PREX1: variants seen among roughly 807,000 people sequenced by gnomAD.
PREX1 encodes phosphatidylinositol 3,4,5-trisphosphate-dependent Rac exchanger 1 protein.
In PREX1, 41 loss-of-function variants were observed where a neutral mutation model predicts 198.3. That is an observed-to-expected ratio of 0.21 (90% CI 0.16 to 0.27). The LOEUF (loss-of-function observed/expected upper bound fraction) is 0.27, where lower values mean the gene tolerates loss of function less well. Among genes scored for constraint, PREX1 ranks in the 10% least tolerant of loss-of-function variants. The pLI is 1.00. For missense variants in PREX1, 1,620 were observed against 2,200.7 expected (o/e 0.74, Z 5.28); for synonymous variants, 843 against 887.2 (o/e 0.95, Z 0.89).
intron 19 of PREX1, 112 bp from the exon 20 acceptor site, chr20:48,653,609 C>T (rs752183205): frequency 2.2e-5 from 29 of 1,345,084 alleles, no homozygotes; most frequent in Non-Finnish European, 2.9e-5. Flanking sequence ...AAGGACTCCA[C>T]CTCCACCCCT....
intron 7 of PREX1, among the ~76,000 whole-genome samples, chr20:48,699,098 C>T (rs183377528): frequency 3.2e-4 from 49 of 152,254 alleles, no homozygotes; most frequent in Admixed American, 1.4e-3. Context: ...CACACACGGG[C>T]ATGGAGCATC....
At chr20:48,756,404 C>T (rs939745932) in intron 1 of PREX1, among the ~76,000 whole-genome samples, 2 of 152,228 alleles carry the variant, frequency 1.3e-5, no homozygotes, top group Non-Finnish European at 1.5e-5. Flanking sequence ...AAACATCCTC[C>T]CCAAGGATTC....
At chr20:48,710,991 G>A (rs2089928176) in intron 5 of PREX1, among the ~76,000 whole-genome samples, 2 of 152,370 alleles carry the variant, frequency 1.3e-5, no homozygotes, top group South Asian at 4.1e-4. Context: ...AGAGCCATGG[G>A]GAGGTGATGG....
intron 5 of PREX1, among the ~76,000 whole-genome samples, chr20:48,723,704 C>T (rs1568839879): frequency 6.6e-6 from 1 of 152,210 alleles, no homozygotes. Context: ...CTCCACGGGT[C>T]GCCGGGCGGT....
intron 1 of PREX1, among the ~76,000 whole-genome samples, chr20:48,762,983 G>A (rs947403177): frequency 2.0e-5 from 3 of 152,198 alleles, no homozygotes; most frequent in East Asian, 1.9e-4. Flanking sequence ...GATTACAGGC[G>A]TAAGCCATCA....
In PREX1 at chr20:48,645,930, T is replaced by G; in HGVS notation, c.3433A>C (p.Lys1145Gln). The G allele has an allele frequency of 6.2e-7, 1 of 1,614,228 alleles. No individual in the cohort carries two copies. Among genetic ancestry groups the G allele is most frequent in the Non-Finnish European group, 8.5e-7 (1 of 1,180,036 alleles). Residue 1145 changes from lysine to glutamine, a missense_variant, in exon 26 of 40, where the codon AAG becomes CAG. By Grantham distance (53) the Lys-to-Gln change is moderately conservative. Coordinates refer to ENST00000371941, the MANE Select transcript of PREX1 (RefSeq NM_020820.4). ...EMDRSDHGGI[K>Q]KVCFKVAEED... Reference sequence around the variant, plus strand: ...TCGGCCACCTTGAAGCACACCTTCTTGATGCCCCCATGGTCACTCCTGTCC... The same window carrying G: ...TCGGCCACCTTGAAGCACACCTTCTGGATGCCCCCATGGTCACTCCTGTCC...
intron 1 of PREX1, among the ~76,000 whole-genome samples, chr20:48,758,121 G>A (rs1001763341): frequency 1.3e-5 from 2 of 152,148 alleles, no homozygotes; most frequent in African/African-American, 4.8e-5. Flanking sequence ...CAACAGGGAG[G>A]TGGAACCAAG....
Position 48,681,206 on chromosome 20 carries a change from G to C in PREX1, c.1435+29C>G, listed in dbSNP as rs753276585. On this transcript the variant is annotated intron_variant, in intron 11 of 39. Transcript: ENST00000371941. Reference sequence around the variant, plus strand: ...GGGGTCTGACCTGTTCCCACCCCTTGGCCCAGCTGGGCCCAGCCCTCCACT... The same window carrying C: ...GGGGTCTGACCTGTTCCCACCCCTTCGCCCAGCTGGGCCCAGCCCTCCACT... 4 of 1,594,448 alleles carry C rather than the reference G, an allele frequency of 2.5e-6. No individual in the cohort carries two copies. The African/African-American group carries it at 5.4e-5, about 21-fold the overall frequency.
At chr20:48,632,165 G>A (rs559094418) in intron 35 of PREX1, 112 bp downstream of exon 35, 2 of 962,590 alleles carry the variant, frequency 2.1e-6, no homozygotes, top group East Asian at 2.4e-5. Context: ...TCAAGAAAGG[G>A]TGTGCGGCCC....
chr20:48,817,824 A>T (rs539097317), intron 1 of PREX1, among the ~76,000 whole-genome samples: 1 of 152,230 alleles, frequency 6.6e-6, no homozygotes, highest in African/African-American at 2.4e-5. Context: ...CATTCAAAAA[A>T]TACTTAATGA....
At chr20:48,656,092 A>AT (rs1275724416) in intron 18 of PREX1, among the ~76,000 whole-genome samples, 2 of 151,788 alleles carry the variant, frequency 1.3e-5, no homozygotes, top group Non-Finnish European at 2.9e-5. Flanking sequence ...GATCAACCAC[A>AT]TTTTCCCTAA....
At chr20:48,848,911 G>A in the PREX1 span, among the ~76,000 whole-genome samples, 28,706 of 151,806 alleles carry the variant, frequency 0.19, 2,834 homozygotes, top group African/African-American at 0.21. Context: ...TAATTTTTGT[G>A]TTTTTAGTAG....
chr20:48,791,327 T>C (rs1242502065), intron 1 of PREX1, among the ~76,000 whole-genome samples: 2 of 152,130 alleles, frequency 1.3e-5, no homozygotes, highest in Non-Finnish European at 2.9e-5. Context: ...ATGACTGAGC[T>C]CCTACCACGT....
chr20:48,641,291 C>T (rs1310511164), intron 29 of PREX1, among the ~76,000 whole-genome samples: 1 of 152,164 alleles, frequency 6.6e-6, no homozygotes, highest in Non-Finnish European at 1.5e-5. Flanking sequence ...CAGTGCCTAA[C>T]TGCGGTATAA....
At chr20:48,659,850 G>A (rs2089576968) in intron 16 of PREX1, 69 bp downstream of exon 16, 4 of 1,602,604 alleles carry the variant, frequency 2.5e-6, no homozygotes, top group South Asian at 2.2e-5. Context: ...ATAACCAGAA[G>A]GTCGCCCAGC....
intron 4 of PREX1, among the ~76,000 whole-genome samples, chr20:48,732,890 T>C (rs188847700): frequency 6.6e-6 from 1 of 151,480 alleles, no homozygotes. Context: ...CACCTGGAAG[T>C]AGGATGTAGT....
At chr20:48,828,780 TGATC>T (rs2090525835), upstream of PREX1, among the ~76,000 whole-genome samples, 1 of 152,238 alleles carries the variant, frequency 6.6e-6, no homozygotes, top group South Asian at 2.1e-4. Flanking sequence ...CTTGAGTTAT[TGATC>T]AAGTGGCAGG....
chr20:48,635,955 G>A (rs2089359418), intron 32 of PREX1, among the ~76,000 whole-genome samples: 1 of 152,178 alleles, frequency 6.6e-6, no homozygotes, highest in Non-Finnish European at 1.5e-5. Context: ...GGCGTCTTGT[G>A]CAGCAGCAGC....
chr20:48,764,835 G>A (rs538593129), intron 1 of PREX1, among the ~76,000 whole-genome samples: 45 of 151,476 alleles, frequency 3.0e-4, no homozygotes, highest in Non-Finnish European at 5.2e-4. Context: ...AGGAGAGTGA[G>A]TGCCAGGGGT....
Sources: gnomAD v4.1 joint callset for allele counts (sites outside exome capture counted in the v4.1 genomes callset) on GRCh38, gnomAD v4.1.1 for gene constraint, MANE v1.5 for transcripts, NCBI Gene and HGNC (gene_info 2026-07-23, HGNC 2026-07-21) for gene names.